The following DTNA variants were observed in gnomAD, a reference collection of about 807,000 sequenced individuals.
The protein encoded by DTNA is dystrobrevin alpha.
In DTNA, 43 loss-of-function variants were observed where a neutral mutation model predicts 100.7. The observed-to-expected ratio is 0.43, with a 90% CI of 0.33 to 0.55. The LOEUF is 0.55. DTNA is among the 20% of genes least tolerant of loss of function. The probability of loss-of-function intolerance (pLI) is 0.04; values close to 1 mark genes in which losing one functional copy is unlikely to be tolerated. For synonymous variants in DTNA, 349 were observed against 347.9 expected (o/e 1.00, Z -0.04); for missense variants, 798 against 953.9 (o/e 0.84, Z 2.15).
At chr18:34,562,928 G>A (rs2046767336) in intron 1 of DTNA, among the ~76,000 whole-genome samples, 1 of 152,166 alleles carries the variant, frequency 6.6e-6, no homozygotes, top group Non-Finnish European at 1.5e-5. Flanking sequence ...ATGTAATGAG[G>A]TACTGTACCT....
At chr18:34,555,858 G>A (rs147732567) in intron 1 of DTNA, among the ~76,000 whole-genome samples, 15,430 of 152,208 alleles carry the variant, frequency 0.1, 1,151 homozygotes, top group African/African-American at 0.2. Flanking sequence ...TTGATTTGGA[G>A]TGGAGAGTTC....
At chr18:34,745,106 T>C (rs1278810146) in intron 1 of DTNA, among the ~76,000 whole-genome samples, 2 of 152,104 alleles carry the variant, frequency 1.3e-5, no homozygotes, top group East Asian at 3.9e-4. Context: ...ATAATTGTGT[T>C]AAGTAGTGTC....
At chr18:34,620,638 G>C (rs185915201) in intron 1 of DTNA, among the ~76,000 whole-genome samples, 1 of 152,270 alleles carries the variant, frequency 6.6e-6, no homozygotes, top group Admixed American at 6.5e-5. Context: ...GTTAGAAGGC[G>C]ATGAGGAAGC....
intron 1 of DTNA, among the ~76,000 whole-genome samples, chr18:34,561,273 C>G (rs1270207461): frequency 6.6e-6 from 1 of 152,114 alleles, no homozygotes; most frequent in Non-Finnish European, 1.5e-5. Flanking sequence ...ATCTTCCTAA[C>G]ATTTTAAAGA....
intron 1 of DTNA, among the ~76,000 whole-genome samples, chr18:34,604,735 G>C (rs1420695832): frequency 1.3e-5 from 2 of 152,116 alleles, no homozygotes; most frequent in East Asian, 3.8e-4. Context: ...AAAAGGACAT[G>C]AGGGAAATGT....
At chr18:34,833,184 A>G (rs1283808736) in intron 11 of DTNA, among the ~76,000 whole-genome samples, 2 of 152,214 alleles carry the variant, frequency 1.3e-5, no homozygotes, top group African/African-American at 4.8e-5. Flanking sequence ...GGGCTAATAT[A>G]GTAACTCAAC....
intron 1 of DTNA, among the ~76,000 whole-genome samples, chr18:34,534,248 C>T (rs957196243): frequency 8.5e-5 from 13 of 152,194 alleles, no homozygotes; most frequent in African/African-American, 3.1e-4. Flanking sequence ...GATTGGGAGG[C>T]TGAGGCAGGA....
chr18:34,615,027 A>G (rs981109791), intron 1 of DTNA, among the ~76,000 whole-genome samples: 2 of 152,206 alleles, frequency 1.3e-5, no homozygotes, highest in Non-Finnish European at 2.9e-5. Flanking sequence ...TTGCATTGCT[A>G]TAAAGAAATA....
intron 1 of DTNA, among the ~76,000 whole-genome samples, chr18:34,639,637 T>G (rs911039019): frequency 6.6e-6 from 1 of 152,200 alleles, no homozygotes; most frequent in Admixed American, 6.5e-5. Flanking sequence ...AGCAAAAGGC[T>G]TTTATGGGCC....
chr18:34,646,790 C>T (rs1018164446), intron 1 of DTNA, among the ~76,000 whole-genome samples: 3 of 152,026 alleles, frequency 2.0e-5, no homozygotes, highest in Non-Finnish European at 4.4e-5. Flanking sequence ...TCACTGCGAC[C>T]CTGCAACCTC....
intron 18 of DTNA, among the ~76,000 whole-genome samples, chr18:34,876,819 CTT>C (rs1245801929): frequency 2.6e-5 from 4 of 152,016 alleles, no homozygotes; most frequent in South Asian, 2.1e-4. Flanking sequence ...CACAAAATAA[CTT>C]TTAATTTTTA....
intron 1 of DTNA, among the ~76,000 whole-genome samples, chr18:34,627,116 C>T (rs770234374): frequency 6.7e-6 from 1 of 148,980 alleles, no homozygotes; most frequent in Non-Finnish European, 1.5e-5. Context: ...TCTGCTTAAG[C>T]AAAAGTCTAT....
intron 3 of DTNA, among the ~76,000 whole-genome samples, chr18:34,771,672 G>C (rs549008256): frequency 1.1e-4 from 16 of 152,236 alleles, no homozygotes; most frequent in South Asian, 4.1e-4. Flanking sequence ...TAAAAAATTA[G>C]GGGACACCAA....
At chr18:34,815,877 G>C in intron 6 of DTNA, 32 bp from the exon 7 acceptor site, 1 of 1,570,406 alleles carries the variant, frequency 6.4e-7, no homozygotes, top group Non-Finnish European at 8.8e-7. Flanking sequence ...ATGATTCTCT[G>C]TCCTAAATTT....
intron 13 of DTNA, among the ~76,000 whole-genome samples, chr18:34,843,520 CTCCTGTCCTTGACTTGCAGATGGACACCT>C (rs1365516400): frequency 1.2e-4 from 18 of 152,118 alleles, no homozygotes; most frequent in Non-Finnish European, 2.9e-5. Context: ...GGGTTGGTTT[CTCCTGTCCTTGACTTGCAGATGGACACCT>C]TCCTGCTGTG....
intron 1 of DTNA, among the ~76,000 whole-genome samples, chr18:34,616,383 T>C (rs763599205): frequency 3.9e-5 from 6 of 152,188 alleles, no homozygotes; most frequent in Non-Finnish European, 7.3e-5. Flanking sequence ...CCAAAGAGCT[T>C]CTGCAGAGCA....
intron 1 of DTNA, among the ~76,000 whole-genome samples, chr18:34,647,042 C>A (rs1240981): frequency 0.15 from 20,813 of 141,286 alleles, 3,382 homozygotes; most frequent in African/African-American, 0.39. Flanking sequence ...AGGCTCACAG[C>A]CTTCTGAGAG....
rs1298586276 is a variant in DTNA at position 34,766,033 on chromosome 18, A to G, written c.140A>G (p.Lys47Arg). The change falls in exon 3 of 23, where the codon AAA (lysine) becomes AGA (arginine). Residue 47 changes from lysine (K) to arginine (R), a missense_variant. Coordinates refer to ENST00000444659, the MANE Select transcript of DTNA (RefSeq NM_001386795.1). ...TACKLRFVQK[K>R]CNLHLVDIWN... is the part of the protein sequence containing the mutation. ...TGCAAGCTTAGGTTTGTTCAGAAGA[A>G]ATGCAATTGTAAGTATGCCAGTTGT... 8.7e-6 allele frequency: 14 copies of G among 1,613,618 alleles called. No homozygotes were observed. The South Asian group carries it at 1.4e-4, about 16-fold the overall frequency.
At position 34,795,915 on chromosome 18, in the gene DTNA, G is replaced by A. The variant is rs138717323; in HGVS notation, c.362+1665G>A. On this transcript the variant is annotated intron_variant, in intron 4 of 22. Transcript: ENST00000444659. ...ACTTCTAAATATAGAGCTATGAACG[G>A]TCTCTAAATAGCTGCTGAAAATATA... 6.2e-4 allele frequency among the ~76,000 whole-genome samples: 95 copies of A among 152,252 alleles called. 1 individual carries two copies. Among genetic ancestry groups the A allele is most frequent in the East Asian group, 3.5e-3 (18 of 5,178 alleles).
Sources: allele counts gnomAD v4.1 joint callset (sites outside exome capture counted in the v4.1 genomes callset), GRCh38; gene constraint gnomAD v4.1.1; transcripts MANE v1.5; gene names NCBI Gene and HGNC (gene_info 2026-07-23, HGNC 2026-07-21).